Variants in VDAC1 observed in about 807,000 individuals in gnomAD.
The protein encoded by VDAC1 is non-selective voltage-gated ion channel VDAC1.
Under a neutral mutation model 34.7 loss-of-function variants are expected in VDAC1, and 10 were observed. The observed-to-expected ratio is 0.29, with a 90% confidence interval of 0.18 to 0.49. VDAC1 has a LOEUF of 0.49. Among genes scored for constraint, VDAC1 ranks in the 20% least tolerant of loss-of-function variants. VDAC1 has a pLI of 0.99. For synonymous variants in VDAC1, 130 were observed against 136.0 expected, an observed-to-expected ratio of 0.96 and a Z score of 0.30; for missense variants, 230 against 347.9, an observed-to-expected ratio of 0.66 and a Z score of 2.69.
At chr5:134,018,419 C>T in the VDAC1 span, among the ~76,000 whole-genome samples, 2 of 152,222 alleles carry the variant, frequency 1.3e-5, no homozygotes, top group African/African-American at 4.8e-5. Context: ...CACTGGGGCT[C>T]ATATTCCAAC....
At chr5:133,981,962 C>T (rs1752716413) in intron 5 of VDAC1, among the ~76,000 whole-genome samples, 1 of 152,202 alleles carries the variant, frequency 6.6e-6, no homozygotes, top group Admixed American at 6.5e-5. Context: ...TCCTCAGCAC[C>T]TAGACCATTT....
chr5:133,974,804 T>C (rs1019874167), intron 7 of VDAC1, among the ~76,000 whole-genome samples: 11 of 152,042 alleles, frequency 7.2e-5, no homozygotes, highest in African/African-American at 2.7e-4. Context: ...AACACAAAAA[T>C]TATCCAGGTG....
At chr5:134,009,620 A>G (rs908253666), upstream of VDAC1, among the ~76,000 whole-genome samples, 12 of 152,038 alleles carry the variant, frequency 7.9e-5, no homozygotes, top group African/African-American at 2.9e-4. Context: ...TTATGAGACT[A>G]TGAGTGATTT....
chr5:134,093,373 G>GTA, the VDAC1 span, among the ~76,000 whole-genome samples: 1 of 152,098 alleles, frequency 6.6e-6, no homozygotes, highest in African/African-American at 2.4e-5. Flanking sequence ...GTGTGTGTGT[G>GTA]TCCAGAATGG....
At chr5:134,079,799 C>T in the VDAC1 span, among the ~76,000 whole-genome samples, 1 of 152,212 alleles carries the variant, frequency 6.6e-6, no homozygotes, top group African/African-American at 2.4e-5. Context: ...GCTGGTGGGG[C>T]CTCAAGGGCC....
chr5:134,040,714 G>A, the VDAC1 span, among the ~76,000 whole-genome samples: 1,200 of 152,344 alleles, frequency 7.9e-3, 15 homozygotes, highest in African/African-American at 0.027. Context: ...GCGACAGAGC[G>A]AGATTCTGTC....
At chr5:134,000,400 T>C (rs1396782287) in intron 1 of VDAC1, among the ~76,000 whole-genome samples, 2 of 152,098 alleles carry the variant, frequency 1.3e-5, no homozygotes, top group Non-Finnish European at 2.9e-5. Flanking sequence ...GCTCAAGAGG[T>C]TGCTGACTCA....
At chr5:134,023,970 TA>T in the VDAC1 span, among the ~76,000 whole-genome samples, 5 of 104,010 alleles carry the variant, frequency 4.8e-5, no homozygotes, top group South Asian at 1.6e-3. Flanking sequence ...CCATCTCCAC[TA>T]AAAATACAAA....
At chr5:134,077,952 T>C in the VDAC1 span, among the ~76,000 whole-genome samples, 22 of 152,340 alleles carry the variant, frequency 1.4e-4, no homozygotes, top group Admixed American at 3.9e-4. Flanking sequence ...CCACTAATTA[T>C]CAATGCCACA....
chr5:134,048,048 A>C, the VDAC1 span, among the ~76,000 whole-genome samples: 1 of 151,850 alleles, frequency 6.6e-6, no homozygotes, highest in Non-Finnish European at 1.5e-5. Flanking sequence ...TAGTTCTGCA[A>C]GCTCCGCCTC....
the VDAC1 span, among the ~76,000 whole-genome samples, chr5:134,087,633 T>C: frequency 6.6e-6 from 1 of 151,998 alleles, no homozygotes; most frequent in Non-Finnish European, 1.5e-5. Flanking sequence ...GGCGGGCAGA[T>C]CACCTGAGGT....
chr5:134,007,589 G>A (rs1171285451), upstream of VDAC1, among the ~76,000 whole-genome samples: 1 of 152,144 alleles, frequency 6.6e-6, no homozygotes, highest in Non-Finnish European at 1.5e-5. Flanking sequence ...GATTGGGTCA[G>A]GGTTGGGCCC....
chr5:133,992,610 C>G (rs1753146664), intron 2 of VDAC1, among the ~76,000 whole-genome samples: 1 of 152,250 alleles, frequency 6.6e-6, no homozygotes, highest in South Asian at 2.1e-4. Flanking sequence ...CACCTGACAG[C>G]TGGCAAAGAC....
chr5:134,048,019 G>T, the VDAC1 span, among the ~76,000 whole-genome samples: 138 of 149,044 alleles, frequency 9.3e-4, no homozygotes, highest in Non-Finnish European at 1.7e-3. Flanking sequence ...CCTTGTCTGG[G>T]AAAAAAAAAG....
upstream of VDAC1, chr5:134,005,711 C>T (rs1288721157): frequency 6.6e-6 from 1 of 152,266 alleles, no homozygotes; most frequent in African/African-American, 2.4e-5. Context: ...TGAACGGTCA[C>T]CTCGCTGCTA....
chr5:133,990,242 C>T (rs138463468), intron 5 of VDAC1, among the ~76,000 whole-genome samples: 96 of 152,334 alleles, frequency 6.3e-4, no homozygotes, highest in Non-Finnish European at 1.3e-3. Flanking sequence ...CTTGCAGTTA[C>T]ACCCACAGGG....
At chr5:134,108,417 C>G in the VDAC1 span, among the ~76,000 whole-genome samples, 1 of 152,140 alleles carries the variant, frequency 6.6e-6, no homozygotes, top group African/African-American at 2.4e-5. Flanking sequence ...GGCGGGAGGC[C>G]TGGTTAGAGC....
At chr5:134,082,434 G>A in the VDAC1 span, among the ~76,000 whole-genome samples, 14 of 152,274 alleles carry the variant, frequency 9.2e-5, no homozygotes, top group African/African-American at 3.4e-4. Context: ...CTACTCCATT[G>A]CATGGATATG....
At chr5:133,992,925 C>A (rs772577524) in intron 2 of VDAC1, 21 bp downstream of exon 2, 11 of 1,607,102 alleles carry the variant, frequency 6.8e-6, no homozygotes, top group East Asian at 2.2e-5. Flanking sequence ...CTGAAAGGCA[C>A]CCCCTCTCTG....
Sources: allele counts gnomAD v4.1 joint callset (sites outside exome capture counted in the v4.1 genomes callset), GRCh38; gene constraint gnomAD v4.1.1; transcripts MANE v1.5; gene names NCBI Gene and HGNC (gene_info 2026-07-23, HGNC 2026-07-21).